The following ZSWIM5 variants were observed in gnomAD, a reference collection of about 807,000 sequenced individuals.
ZSWIM5 encodes the protein zinc finger SWIM domain-containing protein 5.
A neutral mutation model predicts 119.6 loss-of-function variants in ZSWIM5; 55 were observed. The ratio of observed to expected loss-of-function variants is 0.46; its 90% CI spans 0.37 to 0.58. The LOEUF is 0.58. ZSWIM5 is among the 20% of genes least tolerant of loss of function. The pLI is 0.00. For synonymous variants in ZSWIM5, 537 were observed against 606.9 expected, an observed-to-expected ratio of 0.88 and a Z score of 1.69; for missense variants, 1,193 against 1,512.8, an observed-to-expected ratio of 0.79 and a Z score of 3.51.
In ZSWIM5 at chr1:45,044,936, G is replaced by A. The variant is rs567733742; in HGVS notation, c.1433-1541C>T. On this transcript the variant is annotated intron_variant, in intron 5 of 13. Coordinates refer to ENST00000359600, the MANE Select transcript of ZSWIM5 (RefSeq NM_020883.2). The stretch of plus-strand genomic sequence containing the variant: ...GGATCACTTGAGCCCAGGAGGTTGA[G>A]GCCACAGTGAGCCGAGATCATGCCA... Among the ~76,000 whole-genome samples, 235 of 140,702 alleles carry A rather than the reference G, an allele frequency of 1.7e-3. 2 individuals are homozygous for A. The highest frequency in any genetic ancestry group is 5.8e-3 in the African/African-American group (220 of 37,870). 92.3% of individuals were successfully genotyped at this position (140,702 alleles called of 152,430 possible).
At chr1:45,151,726 G>A (rs1322495611) in intron 1 of ZSWIM5, among the ~76,000 whole-genome samples, 1 of 152,116 alleles carries the variant, frequency 6.6e-6, no homozygotes, top group African/African-American at 2.4e-5. Flanking sequence ...AAAAGAATGT[G>A]CCAAGACTCG....
Position 45,205,787 on chromosome 1 carries a change from G to A in ZSWIM5, c.564C>T (p.Asp188=). The change falls in exon 1 of 14, where the codon GAC becomes GAT. Residue 188 remains aspartate (D), a synonymous_variant. Transcript: ENST00000359600. The stretch of plus-strand genomic sequence containing the variant: ...GCAGCACGTTCTCCACGGAGCCGCT[G>A]TCCAGCAGACGGATGCCCCGGCGGA... ...LPFRRGIRLL[D]SGSVENVLQV... 2 of 1,563,202 alleles carry A rather than the reference G, an allele frequency of 1.3e-6. No individual in the cohort carries two copies. Among genetic ancestry groups the A allele is most frequent in the Non-Finnish European group, 1.7e-6 (2 of 1,159,474 alleles).
intron 2 of ZSWIM5, among the ~76,000 whole-genome samples, chr1:45,079,811 C>T (rs148678834): frequency 2.4e-3 from 370 of 152,224 alleles, no homozygotes; most frequent in Admixed American, 4.4e-3. Context: ...TATTCAGGGC[C>T]CCCAGTGCTC....
chr1:45,067,449 A>AG (rs1645190559), intron 2 of ZSWIM5, among the ~76,000 whole-genome samples: 1 of 85,650 alleles, frequency 1.2e-5, no homozygotes, highest in Non-Finnish European at 2.5e-5. Flanking sequence ...CAAAAAAAAA[A>AG]AAAAAGAAAG....
chr1:45,133,962 G>T (rs1243813981), intron 1 of ZSWIM5, among the ~76,000 whole-genome samples: 1 of 151,936 alleles, frequency 6.6e-6, no homozygotes, highest in Non-Finnish European at 1.5e-5. Context: ...TCTGTTCCAT[G>T]GGTCTATATC....
intron 1 of ZSWIM5, among the ~76,000 whole-genome samples, chr1:45,185,765 G>C (rs1378449306): frequency 1.3e-5 from 2 of 152,188 alleles, no homozygotes; most frequent in Admixed American, 6.5e-5. Context: ...GTGCTGGAGA[G>C]GATGTGGAGA....
Position 45,206,233 on chromosome 1 carries a change from C to T in ZSWIM5, c.118G>A (p.Ala40Thr), listed in dbSNP as rs950413996. The change falls in exon 1 of 14, where the codon GCC (alanine) becomes ACC (threonine). Residue 40 changes from alanine to threonine, a missense_variant. Physicochemically the swap from Ala to Thr is moderately conservative, Grantham distance 58 (BLOSUM62 0). This residue lies in a region of ZSWIM5 where 232 missense variants were observed against 222.9 expected (regional missense o/e 1.04). Transcript: ENST00000359600. ...CCGACGCCCCCTGCCCCTCCGCCGG[C>T]TGCCCCAGGCGAACCGCGAGGGTGA... The part of the protein sequence containing the change: ...AHHPRGSPGA[A>T]GGGAGGVGSS... The T allele has an allele frequency of 8.8e-6, 14 of 1,583,920 alleles. No individual in the cohort carries two copies. In the African/African-American group the frequency reaches 1.8e-4, roughly 20 times the overall value.
Position 45,206,392 on chromosome 1 carries a change from C to G in ZSWIM5, c.-42G>C. On this transcript the variant is annotated 5_prime_UTR_variant, in exon 1 of 14. Coordinates refer to ENST00000359600, the MANE Select transcript of ZSWIM5 (RefSeq NM_020883.2). ...ACTGACTGAGGCGGCGGCGGCTGCT[C>G]GGGCTGCGGCGGAGACCCTGGCCAC... 7.4e-7 allele frequency: 1 copy of G among 1,349,612 alleles called. No homozygotes were observed. Among genetic ancestry groups the G allele is most frequent in the Non-Finnish European group, 9.5e-7 (1 of 1,054,116 alleles). The allele number at this position is 1,349,612 out of a possible 1,614,324, so 83.6% of individuals were successfully genotyped here.
intron 1 of ZSWIM5, among the ~76,000 whole-genome samples, chr1:45,174,630 C>T (rs187383974): frequency 9.9e-4 from 150 of 151,514 alleles, no homozygotes; most frequent in African/African-American, 3.4e-3. Context: ...TACTCTCCTA[C>T]TCGGGGAGCT....
intron 1 of ZSWIM5, among the ~76,000 whole-genome samples, chr1:45,188,761 C>T (rs1304175513): frequency 2.0e-5 from 3 of 152,128 alleles, no homozygotes; most frequent in Non-Finnish European, 4.4e-5. Flanking sequence ...AAAAACAAAA[C>T]AAACAAAAAC....
chr1:45,048,063 TTC>T (rs1491091262), intron 5 of ZSWIM5, among the ~76,000 whole-genome samples: 1 of 5,350 alleles, frequency 1.9e-4, no homozygotes, highest in African/African-American at 5.9e-4. Flanking sequence ...CTTTCTTTCT[TTC>T]TTTCCTTTTC....
intron 1 of ZSWIM5, among the ~76,000 whole-genome samples, chr1:45,127,122 T>C (rs973995510): frequency 3.9e-5 from 6 of 152,050 alleles, no homozygotes; most frequent in Non-Finnish European, 7.4e-5. Flanking sequence ...TAACAAAACA[T>C]GAGCACTCAG....
chr1:45,077,617 G>C (rs182387052), intron 2 of ZSWIM5, among the ~76,000 whole-genome samples: 8 of 152,290 alleles, frequency 5.3e-5, no homozygotes, highest in South Asian at 2.1e-4. Flanking sequence ...CAGGAGACAG[G>C]GTTTTGAGAT....
At chr1:45,132,616 CT>C (rs529045614) in intron 1 of ZSWIM5, among the ~76,000 whole-genome samples, 11 of 151,120 alleles carry the variant, frequency 7.3e-5, no homozygotes, top group African/African-American at 1.5e-4. Flanking sequence ...AATTTTTTTT[CT>C]TTTTTTTTAT....
At chr1:45,084,356 G>A (rs1036648599) in intron 2 of ZSWIM5, among the ~76,000 whole-genome samples, 1 of 152,148 alleles carries the variant, frequency 6.6e-6, no homozygotes, top group Non-Finnish European at 1.5e-5. Context: ...AGATTTGGGT[G>A]GGGACACAAA....
intron 1 of ZSWIM5, among the ~76,000 whole-genome samples, chr1:45,136,234 T>TA (rs1298087074): frequency 6.6e-6 from 1 of 152,176 alleles, no homozygotes; most frequent in Non-Finnish European, 1.5e-5. Flanking sequence ...CAACAGGTCA[T>TA]AAAAAACTAA....
Position 45,057,830 on chromosome 1 carries a change from TAGA to T in ZSWIM5, c.1252+776_1252+778del, listed in dbSNP as rs1645131284. ...GGAGAACCTAGAACAGTGAGGCCAT[TAGA>T]AGGTCACAGTTCTAATCTAATCTAA... On this transcript the variant is annotated intron_variant, in intron 4 of 13. Transcript: ENST00000359600. This position sits in a 1 kb window ranked among gnomAD's most constrained non-coding sequence, Gnocchi z 4.7. Among the ~76,000 whole-genome samples the T allele has an allele frequency of 6.6e-6, 1 of 152,170 alleles. No homozygotes were observed. Among genetic ancestry groups the T allele is most frequent in the African/African-American group, 2.4e-5 (1 of 41,430 alleles).
At chr1:45,187,601 G>T (rs1646067128) in intron 1 of ZSWIM5, among the ~76,000 whole-genome samples, 2 of 151,874 alleles carry the variant, frequency 1.3e-5, no homozygotes, top group South Asian at 4.2e-4. Context: ...AAAATAAATT[G>T]TACTTCATCA....
intron 1 of ZSWIM5, among the ~76,000 whole-genome samples, chr1:45,126,003 G>T (rs1645618905): frequency 6.6e-6 from 1 of 151,970 alleles, no homozygotes; most frequent in South Asian, 2.1e-4. Context: ...AGGAGCTTGA[G>T]GTTACAGTGA....
Sources: gnomAD v4.1 joint callset for allele counts (sites outside exome capture counted in the v4.1 genomes callset) on GRCh38, gnomAD v4.1.1 for gene constraint, gnomAD v4.1.1 regional missense constraint, Gnocchi (gnomAD v3.1) non-coding constraint, MANE v1.5 for transcripts, NCBI Gene and HGNC (gene_info 2026-07-23, HGNC 2026-07-21) for gene names.